Variants in SNRNP35 observed in about 807,000 individuals in gnomAD.
SNRNP35 encodes small nuclear ribonucleoprotein U11/U12 subunit 35.
A neutral mutation model predicts 24.3 loss-of-function variants in SNRNP35; 16 were observed. That is an observed-to-expected ratio of 0.66 (90% CI 0.45 to 1.00). SNRNP35 has a LOEUF of 1.00. Among genes scored for constraint, SNRNP35 ranks in the 50% least tolerant of loss-of-function variants. The pLI, the probability that SNRNP35 is intolerant of heterozygous loss-of-function variation, is 0.00. For missense variants in SNRNP35, 292 were observed against 327.2 expected, an observed-to-expected ratio of 0.89 and a Z score of 0.83; for synonymous variants, 106 against 124.8, an observed-to-expected ratio of 0.85 and a Z score of 1.00.
chr12:123,461,955 C>T (rs928158558), intron 1 of SNRNP35, among the ~76,000 whole-genome samples: 5 of 151,980 alleles, frequency 3.3e-5, no homozygotes, highest in Non-Finnish European at 4.4e-5. Context: ...CTGCTGACCT[C>T]GTGATCCGCC....
At chr12:123,467,895 CTTA>C (rs1319594309), downstream of SNRNP35, among the ~76,000 whole-genome samples, 1 of 152,110 alleles carries the variant, frequency 6.6e-6, no homozygotes, top group African/African-American at 2.4e-5. Context: ...AAAGTGTTCC[CTTA>C]TTATGGCACC....
intron 1 of SNRNP35, chr12:123,459,345 T>C (rs1428459195): frequency 6.6e-6 from 1 of 152,230 alleles, no homozygotes; most frequent in Non-Finnish European, 1.5e-5. Context: ...TTTAGCTACA[T>C]TTCACAATAA....
chr12:123,459,786 C>T (rs1177279921), intron 1 of SNRNP35: 3 of 1,509,518 alleles, frequency 2.0e-6, no homozygotes, highest in African/African-American at 1.4e-5. Flanking sequence ...GACTTTGTCT[C>T]GAGTAAAAAA....
intron 1 of SNRNP35, chr12:123,464,584 C>T (rs967495238): frequency 1.3e-5 from 2 of 152,242 alleles, no homozygotes; most frequent in Non-Finnish European, 2.9e-5. Context: ...ATTGGCTCTA[C>T]AGCGTTGCAG....
intron 1 of SNRNP35, among the ~76,000 whole-genome samples, chr12:123,463,304 G>A (rs894939171): frequency 4.6e-5 from 7 of 151,482 alleles, no homozygotes; most frequent in Admixed American, 1.3e-4. Flanking sequence ...TCAAGTGATC[G>A]TCCCACCTTG....
downstream of SNRNP35, among the ~76,000 whole-genome samples, chr12:123,467,984 T>C: frequency 6.6e-6 from 1 of 152,182 alleles, no homozygotes; most frequent in East Asian, 1.9e-4. Flanking sequence ...CCTTGTGAGA[T>C]ACCATCAGGA....
At chr12:123,462,946 C>T (rs1185812912) in intron 1 of SNRNP35, among the ~76,000 whole-genome samples, 1 of 151,966 alleles carries the variant, frequency 6.6e-6, no homozygotes, top group South Asian at 2.1e-4. Flanking sequence ...GCAGAAAGAT[C>T]CTTGAGGAAA....
At chr12:123,467,236 G>A (rs1194392145), downstream of SNRNP35, among the ~76,000 whole-genome samples, 1 of 152,216 alleles carries the variant, frequency 6.6e-6, no homozygotes, top group Non-Finnish European at 1.5e-5. Context: ...AGCCAGGTCA[G>A]CATTCTTGAA....
chr12:123,472,357 C>G (rs28613273), exon 2 of SNRNP35: 10,393 of 608,384 alleles, frequency 0.017, 189 homozygotes, highest in Admixed American at 0.058. Flanking sequence ...ATAAACATTT[C>G]TTTAGAGTTT....
Position 123,465,290 on chromosome 12 carries a change from G to A in SNRNP35, c.-3-248G>A, listed in dbSNP as rs1026040952. On this transcript the variant is annotated intron_variant, in intron 1 of 1. Coordinates refer to ENST00000526639, the MANE Select transcript of SNRNP35 (RefSeq NM_022717.4). This position sits in a 1 kb window ranked among gnomAD's most constrained non-coding sequence, Gnocchi z 4.2. Reference sequence around the variant, plus strand: ...GCATATATGGGTGAAACCCGAGCACGCTGCCCTCTGCTTCCTGAGAGGGCA... The same window carrying A: ...GCATATATGGGTGAAACCCGAGCACACTGCCCTCTGCTTCCTGAGAGGGCA... Among the ~76,000 whole-genome samples the A allele has an allele frequency of 2.0e-5, 3 of 152,330 alleles. No homozygotes were observed. Among genetic ancestry groups the A allele is most frequent in the Admixed American group, 6.5e-5 (1 of 15,298 alleles).
At chr12:123,464,329 T>TC (rs1880820846) in intron 1 of SNRNP35, 1 of 147,032 alleles carries the variant, frequency 6.8e-6, no homozygotes, top group Non-Finnish European at 1.5e-5. Context: ...AAGCTCCGCC[T>TC]CCCGGGTTCA....
In SNRNP35 at chr12:123,465,423, T is replaced by C; in HGVS notation, c.-3-115T>C. On this transcript the variant is annotated intron_variant, in intron 1 of 1. Transcript: ENST00000526639. This position sits in a 1 kb window ranked among gnomAD's most constrained non-coding sequence, Gnocchi z 4.2. ...TTAGCCTCTGTGGGTGTTCCCTTCCTTTCCTGTTTTTAAGAAGAGGTGAAT... is the reference window on the plus strand; with the variant it reads ...TTAGCCTCTGTGGGTGTTCCCTTCCCTTCCTGTTTTTAAGAAGAGGTGAAT... 7.7e-7 allele frequency: 1 copy of C among 1,293,914 alleles called. No homozygotes were observed. Among genetic ancestry groups the C allele is most frequent in the Non-Finnish European group, 1.0e-6 (1 of 972,030 alleles). The allele number at this position is 1,293,914 out of a possible 1,614,324, so 80.2% of individuals were successfully genotyped here.
chr12:123,462,784 C>T lies in SNRNP35; in HGVS notation c.-3-2754C>T, dbSNP rs114870200. 9.8e-3 allele frequency among the ~76,000 whole-genome samples: 1,480 copies of T among 151,740 alleles called. 18 individuals carry two copies. Among genetic ancestry groups the T allele is most frequent in the African/African-American group, 0.033 (1,379 of 41,356 alleles). ...GGGATTACAGGTGTGAGATCGTGCC[C>T]GGCCTAGTGTCAGAGGTCTTGAGTG... On this transcript the variant is annotated intron_variant, in intron 1 of 1. Transcript: ENST00000526639.
chr12:123,468,381 G>GA (rs1392722652), downstream of SNRNP35, among the ~76,000 whole-genome samples: 1 of 134,882 alleles, frequency 7.4e-6, no homozygotes, highest in Non-Finnish European at 1.6e-5. Flanking sequence ...AAAAAGAAAA[G>GA]AAAAAAAGAA....
chr12:123,465,677 T>C lies in SNRNP35; in HGVS notation c.137T>C (p.Ile46Thr). 6.2e-7 allele frequency: 1 copy of C among 1,613,956 alleles called. No individual in the cohort carries two copies. Among genetic ancestry groups the C allele is most frequent in the Non-Finnish European group, 8.5e-7 (1 of 1,179,980 alleles). The change falls in exon 2 of 2, where the codon ATA becomes ACA. Residue 46 changes from isoleucine (I) to threonine (T), a missense_variant. By Grantham distance (89) the Ile-to-Thr change is moderately conservative (BLOSUM62 -1). Coordinates refer to ENST00000526639, the MANE Select transcript of SNRNP35 (RefSeq NM_022717.4). This position sits in a 1 kb window ranked among gnomAD's most constrained non-coding sequence, Gnocchi z 4.2. Reference sequence around the variant, plus strand: ...CGATATGTCCCCAACAAAGGTGTCATAGGAGATCCCCTCCTCACCCTGTTT... The same window carrying C: ...CGATATGTCCCCAACAAAGGTGTCACAGGAGATCCCCTCCTCACCCTGTTT... Reference protein sequence around the residue: ...LARYVPNKGVIGDPLLTLFVA... With the variant: ...LARYVPNKGVTGDPLLTLFVA...
In SNRNP35 at chr12:123,465,806, G is replaced by GT; in HGVS notation, c.271dup (p.Ser91PhefsTer23). The GT allele has an allele frequency of 6.2e-7, 1 of 1,614,120 alleles. No individual in the cohort carries two copies. The highest frequency in any genetic ancestry group is 8.5e-7 in the Non-Finnish European group (1 of 1,180,026). On this transcript the variant is annotated frameshift_variant, in exon 2 of 2. Transcript: ENST00000526639. LOFTEE classifies it high-confidence loss of function. This position sits in a 1 kb window ranked among gnomAD's most constrained non-coding sequence, Gnocchi z 4.2. ...CGGCTGGTCAGGGACTTGGTCACAGGTTTTTCAAAGGGCTACGCCTTCATC... is the reference window on the plus strand; with the variant it reads ...CGGCTGGTCAGGGACTTGGTCACAGGTTTTTTCAAAGGGCTACGCCTTCATC...
At chr12:123,460,112 G>A (rs1399551793) in intron 1 of SNRNP35, among the ~76,000 whole-genome samples, 1 of 152,120 alleles carries the variant, frequency 6.6e-6, no homozygotes, top group African/African-American at 2.4e-5. Flanking sequence ...GATTGCTGGC[G>A]TGAGCCACTG....
chr12:123,464,240 G>GTTTTT (rs1173653190), intron 1 of SNRNP35, among the ~76,000 whole-genome samples: 1 of 123,962 alleles, frequency 8.1e-6, no homozygotes, highest in Non-Finnish European at 1.7e-5. Context: ...GCCAGCCAAG[G>GTTTTT]TTTTTTTTTT....
chr12:123,465,977 G>GA lies in SNRNP35; in HGVS notation c.443dup (p.Glu149GlyfsTer19). 6.2e-7 allele frequency: 1 copy of GA among 1,613,972 alleles called. No individual in the cohort carries two copies. Among genetic ancestry groups the GA allele is most frequent in the Non-Finnish European group, 8.5e-7 (1 of 1,179,988 alleles). ...CGGCGACTTGGAGGCGGTCTTGGGG[G>GA]AAAAAAGGAGTCTGGGCAACTGAGA... is the stretch of plus-strand genomic sequence containing the variant. On this transcript the variant is annotated frameshift_variant, in exon 2 of 2. Coordinates refer to ENST00000526639, the MANE Select transcript of SNRNP35 (RefSeq NM_022717.4). LOFTEE classifies it high-confidence loss of function. This position sits in a 1 kb window ranked among gnomAD's most constrained non-coding sequence, Gnocchi z 4.2.
Sources: gnomAD v4.1 joint callset for allele counts (sites outside exome capture counted in the v4.1 genomes callset) on GRCh38, gnomAD v4.1.1 for gene constraint, Gnocchi (gnomAD v3.1) non-coding constraint, MANE v1.5 for transcripts, NCBI Gene and HGNC (gene_info 2026-07-23, HGNC 2026-07-21) for gene names.